Variants in KIAA2012 observed in about 807,000 individuals in gnomAD.
KIAA2012 encodes the protein uncharacterized protein KIAA2012.
KIAA2012 carries 125 observed loss-of-function variants against 150.6 expected under a neutral mutation model. The observed-to-expected ratio is 0.83, with a 90% CI of 0.72 to 0.96. The LOEUF is 0.96. KIAA2012 is among the 40% of genes least tolerant of loss of function. KIAA2012 has a pLI of 0.00. For synonymous variants in KIAA2012, 462 were observed against 504.7 expected, an observed-to-expected ratio of 0.92 and a Z score of 1.13; for missense variants, 1,219 against 1,354.9, an observed-to-expected ratio of 0.90 and a Z score of 1.57.
chr2:202,073,661 G>C lies in KIAA2012; in HGVS notation c.34G>C (p.Gly12Arg). 6.4e-7 allele frequency: 1 copy of C among 1,550,394 alleles called. No homozygotes were observed. The highest frequency in any genetic ancestry group is 1.2e-5 in the South Asian group (1 of 84,046). ...FTLSLLSRGH[G>R]KLGQDKQKLE... is the part of the protein sequence containing the mutation. ...GCTCTCCCTCCTGAGCCGGGGCCACGGGAAGCTGGGCCAGGACAAACAGAA... is the reference window on the plus strand; with the variant it reads ...GCTCTCCCTCCTGAGCCGGGGCCACCGGAAGCTGGGCCAGGACAAACAGAA... Residue 12 changes from glycine (G) to arginine (R), a missense_variant, in exon 1 of 24, where the codon GGG becomes CGG. Gly to Arg is a moderately radical substitution (Grantham distance 125). Transcript: ENST00000498697.
At chr2:202,194,825 A>G (rs1049843989) in intron 21 of KIAA2012, among the ~76,000 whole-genome samples, 2 of 152,020 alleles carry the variant, frequency 1.3e-5, no homozygotes, top group African/African-American at 4.8e-5. Flanking sequence ...CTGGAGTGCA[A>G]TGATGTGATC....
intron 2 of KIAA2012, among the ~76,000 whole-genome samples, chr2:202,080,592 A>G (rs1363463403): frequency 6.6e-6 from 1 of 150,494 alleles, no homozygotes; most frequent in African/African-American, 2.4e-5. Context: ...GCTACTCGGG[A>G]GGCTAAGGCA....
rs1692298430 is a variant in KIAA2012 at position 202,190,113 on chromosome 2, T to C, written c.2492-61T>C. The C allele has an allele frequency of 3.7e-6, 5 of 1,336,540 alleles. No homozygotes were observed. The African/African-American group carries it at 6.0e-5, about 16-fold the overall frequency. 82.8% of individuals were successfully genotyped at this position (1,336,540 alleles called of 1,614,324 possible). On this transcript the variant is annotated intron_variant, in intron 18 of 23. Coordinates refer to ENST00000498697, the MANE Select transcript of KIAA2012 (RefSeq NM_001277372.4). ...AAAAAAAAAAAGTTACTAAAAAGGA[T>C]GTATAGTGATCACATTAAGTTAACT...
intron 14 of KIAA2012, among the ~76,000 whole-genome samples, chr2:202,156,057 G>C (rs993859676): frequency 2.6e-5 from 4 of 152,138 alleles, no homozygotes; most frequent in Non-Finnish European, 4.4e-5. Flanking sequence ...ATGGGGTACT[G>C]AAAACTATAA....
At chr2:202,102,546 G>A (rs1381610996) in intron 7 of KIAA2012, among the ~76,000 whole-genome samples, 2 of 152,184 alleles carry the variant, frequency 1.3e-5, no homozygotes, top group Non-Finnish European at 2.9e-5. Flanking sequence ...TTAGTGGAAA[G>A]CTTGCTCAAA....
intron 12 of KIAA2012, among the ~76,000 whole-genome samples, chr2:202,133,109 A>AAAAATAT (rs766606713): frequency 2.3e-5 from 2 of 87,886 alleles, no homozygotes; most frequent in African/African-American, 4.7e-5. Context: ...TCTAAAAAAA[A>AAAAATAT]ATATATATAT....
intron 15 of KIAA2012, among the ~76,000 whole-genome samples, chr2:202,176,937 A>C (rs1357035249): frequency 6.6e-6 from 1 of 152,236 alleles, no homozygotes; most frequent in Non-Finnish European, 1.5e-5. Context: ...CAACAAGTTC[A>C]TTCCCAGGTA....
At chr2:202,087,978 A>G (rs1689614253) in intron 2 of KIAA2012, among the ~76,000 whole-genome samples, 1 of 151,416 alleles carries the variant, frequency 6.6e-6, no homozygotes, top group Non-Finnish European at 1.5e-5. Flanking sequence ...ATATTCAGGA[A>G]AAAAAATAAC....
At chr2:202,153,747 G>A (rs1397953263) in intron 13 of KIAA2012, among the ~76,000 whole-genome samples, 1 of 152,182 alleles carries the variant, frequency 6.6e-6, no homozygotes, top group Non-Finnish European at 1.5e-5. Context: ...TGAGGGTGGA[G>A]ACTTTCATCC....
rs1023690576 is a variant in KIAA2012 at position 202,100,246 on chromosome 2, C to T, written c.1013-61C>T. Reference sequence around the variant, plus strand: ...AACTACGACGTGATAAAAGTCAAAACTCAACTGTTCATCCCCCTACCTGCA... The same window carrying T: ...AACTACGACGTGATAAAAGTCAAAATTCAACTGTTCATCCCCCTACCTGCA... On this transcript the variant is annotated intron_variant, in intron 6 of 23. Transcript: ENST00000498697. 6.0e-6 allele frequency: 9 copies of T among 1,492,306 alleles called. No individual in the cohort carries two copies. In the African/African-American group the frequency reaches 1.1e-4, roughly 19 times the overall value. 92.4% of individuals were successfully genotyped at this position (1,492,306 alleles called of 1,614,324 possible).
intron 12 of KIAA2012, among the ~76,000 whole-genome samples, chr2:202,127,759 C>T (rs1053941553): frequency 1.3e-4 from 20 of 152,278 alleles, no homozygotes; most frequent in Non-Finnish European, 2.6e-4. Flanking sequence ...TGTACTGTTC[C>T]CTCTGCCTGG....
chr2:202,161,012 C>T (rs1261694074), intron 14 of KIAA2012, among the ~76,000 whole-genome samples: 1 of 152,142 alleles, frequency 6.6e-6, no homozygotes, highest in East Asian at 1.9e-4. Context: ...AGCAGGGGGG[C>T]TGTGCATGAG....
chr2:202,094,352 G>A (rs1196460580), intron 4 of KIAA2012, among the ~76,000 whole-genome samples: 2 of 152,198 alleles, frequency 1.3e-5, no homozygotes, highest in Non-Finnish European at 2.9e-5. Context: ...TTGGGGAAAT[G>A]ATCCGGTCAG....
chr2:202,097,206 G>A (rs1214240145), intron 4 of KIAA2012, among the ~76,000 whole-genome samples: 1 of 152,230 alleles, frequency 6.6e-6, no homozygotes, highest in Non-Finnish European at 1.5e-5. Flanking sequence ...TCCAAGAAGT[G>A]AAGACTCAAC....
intron 22 of KIAA2012, chr2:202,201,845 A>G: frequency 7.8e-7 from 1 of 1,283,458 alleles, no homozygotes; most frequent in South Asian, 1.2e-5. Flanking sequence ...GAGGCTGCAC[A>G]GGCTAGGTTG....
At chr2:202,109,108 C>T (rs60571041) in intron 9 of KIAA2012, among the ~76,000 whole-genome samples, 4,878 of 152,268 alleles carry the variant, frequency 0.032, 254 homozygotes, top group African/African-American at 0.11. Context: ...GGAAGGAATG[C>T]AATCATTGAC....
intron 22 of KIAA2012, chr2:202,197,496 G>A (rs73990209): frequency 0.041 from 6,585 of 161,070 alleles, 482 homozygotes; most frequent in African/African-American, 0.15. Flanking sequence ...TCTAGGGGTG[G>A]GAATGGAGAC....
intron 12 of KIAA2012, among the ~76,000 whole-genome samples, chr2:202,127,054 G>A (rs868660135): frequency 5.3e-5 from 8 of 151,946 alleles, no homozygotes; most frequent in South Asian, 4.2e-4. Context: ...CCTTTTGTGG[G>A]TAACACTAAA....
chr2:202,150,631 T>C (rs1230419177), intron 13 of KIAA2012, among the ~76,000 whole-genome samples: 2 of 152,056 alleles, frequency 1.3e-5, no homozygotes, highest in East Asian at 3.9e-4. Context: ...GTATTTTTAG[T>C]AGAAATGGGT....
Sources: allele counts gnomAD v4.1 joint callset (sites outside exome capture counted in the v4.1 genomes callset), GRCh38; gene constraint gnomAD v4.1.1; transcripts MANE v1.5; gene names NCBI Gene and HGNC (gene_info 2026-07-23, HGNC 2026-07-21).